The following NNT variants were observed in gnomAD, a reference collection of about 807,000 sequenced individuals.
The protein encoded by NNT is nicotinamide nucleotide transhydrogenase.
NNT carries 50 observed loss-of-function variants against 104.8 expected under a neutral mutation model. The observed-to-expected ratio is 0.48, with a 90% CI of 0.38 to 0.60. NNT has a LOEUF of 0.60. Ranked by LOEUF, NNT falls within the 20% of genes least tolerant of loss-of-function variation. The pLI is 0.00. For missense variants in NNT, 1,131 were observed against 1,330.7 expected (o/e 0.85, Z 2.33); for synonymous variants, 461 against 490.4 (o/e 0.94, Z 0.79).
intron 11 of NNT, 95 bp downstream of exon 11, chr5:43,649,403 A>G: frequency 6.9e-7 from 1 of 1,442,098 alleles, no homozygotes; most frequent in Non-Finnish European, 9.5e-7. Context: ...TGTGTTTTCA[A>G]GTTGTTTTGC....
Position 43,704,459 on chromosome 5 carries a change from G to C in NNT, c.*55G>C, listed in dbSNP as rs1056099615. On this transcript the variant is annotated 3_prime_UTR_variant, in exon 22 of 22. Transcript: ENST00000344920. ...TGCCACCTCTGCAGTTTTGGGAACAGGCAAATAAAGTATCAGTATACATGG... is the reference window on the plus strand; with the variant it reads ...TGCCACCTCTGCAGTTTTGGGAACACGCAAATAAAGTATCAGTATACATGG... 14 of 1,572,914 alleles carry C rather than the reference G, an allele frequency of 8.9e-6. No homozygotes were observed. In the African/African-American group the frequency reaches 1.6e-4, roughly 18 times the overall value.
intron 4 of NNT, among the ~76,000 whole-genome samples, chr5:43,617,101 A>G (rs1749830983): frequency 6.6e-6 from 1 of 152,206 alleles, no homozygotes; most frequent in African/African-American, 2.4e-5. Flanking sequence ...ACACTTTTAA[A>G]TTTATTTAGC....
At chr5:43,608,799 T>C (rs941014917) in intron 1 of NNT, among the ~76,000 whole-genome samples, 1 of 152,238 alleles carries the variant, frequency 6.6e-6, no homozygotes, top group African/African-American at 2.4e-5. Context: ...AACTTTCATG[T>C]AAGATACAAC....
chr5:43,682,359 C>T (rs768352167), intron 19 of NNT, among the ~76,000 whole-genome samples: 45 of 151,544 alleles, frequency 3.0e-4, no homozygotes, highest in Non-Finnish European at 5.3e-4. Flanking sequence ...TACAGGCATG[C>T]GCCACCACGC....
chr5:43,629,926 G>A (rs1163503605), intron 7 of NNT, among the ~76,000 whole-genome samples: 1 of 152,098 alleles, frequency 6.6e-6, no homozygotes, highest in African/African-American at 2.4e-5. Context: ...ATCCTGGGTT[G>A]TCTGTTTACT....
At chr5:43,686,629 T>G (rs1218390016) in intron 19 of NNT, among the ~76,000 whole-genome samples, 1 of 152,126 alleles carries the variant, frequency 6.6e-6, no homozygotes, top group Admixed American at 6.5e-5. Flanking sequence ...TGAAAATGTA[T>G]GCTTCTTTGT....
chr5:43,679,829 G>A (rs1052629042), intron 19 of NNT, among the ~76,000 whole-genome samples: 17 of 151,900 alleles, frequency 1.1e-4, no homozygotes, highest in African/African-American at 3.1e-4. Context: ...TTTCATGAGA[G>A]AGCTTTTCAT....
intron 19 of NNT, among the ~76,000 whole-genome samples, chr5:43,698,075 G>GAT (rs1021338983): frequency 2.0e-5 from 3 of 150,540 alleles, no homozygotes; most frequent in African/African-American, 4.9e-5. Flanking sequence ...TTTCTCTTTG[G>GAT]ATATATACAC....
At chr5:43,663,546 A>G (rs1740480984) in intron 17 of NNT, among the ~76,000 whole-genome samples, 1 of 152,182 alleles carries the variant, frequency 6.6e-6, no homozygotes. Flanking sequence ...TCGTTGATAA[A>G]CCTTCTTTAT....
intron 1 of NNT, among the ~76,000 whole-genome samples, chr5:43,605,549 A>AC (rs1185971353): frequency 2.0e-5 from 3 of 151,228 alleles, no homozygotes; most frequent in African/African-American, 7.3e-5. Flanking sequence ...AAAAAAAAAA[A>AC]AAGTTGTGCT....
chr5:43,689,023 T>C (rs1742126217), intron 19 of NNT, among the ~76,000 whole-genome samples: 1 of 152,208 alleles, frequency 6.6e-6, no homozygotes, highest in South Asian at 2.1e-4. Flanking sequence ...TGTGTAAAAA[T>C]GTTTCCTTTT....
chr5:43,669,922 T>C (rs1475407719), intron 17 of NNT, among the ~76,000 whole-genome samples: 1 of 152,110 alleles, frequency 6.6e-6, no homozygotes, highest in East Asian at 1.9e-4. Context: ...GGACTTTTTT[T>C]GGTTGGTAGG....
At chr5:43,655,793 C>T in intron 14 of NNT, 47 bp from the exon 15 acceptor site, 1 of 1,395,096 alleles carries the variant, frequency 7.2e-7, no homozygotes, top group Non-Finnish European at 1.0e-6. Flanking sequence ...GTGGTTACTT[C>T]TCAAAAGTTT....
intron 15 of NNT, 54 bp downstream of exon 15, chr5:43,656,127 G>T: frequency 6.9e-7 from 1 of 1,446,644 alleles, no homozygotes; most frequent in Non-Finnish European, 9.7e-7. Flanking sequence ...GGGCATTTAG[G>T]GATCCATTTT....
At chr5:43,679,310 C>A (rs1288239060) in intron 19 of NNT, among the ~76,000 whole-genome samples, 1 of 152,144 alleles carries the variant, frequency 6.6e-6, no homozygotes, top group Non-Finnish European at 1.5e-5. Context: ...CCCTCTTTCA[C>A]CACATAAATA....
intron 7 of NNT, among the ~76,000 whole-genome samples, chr5:43,643,991 C>T (rs1325159220): frequency 6.6e-6 from 1 of 152,220 alleles, no homozygotes; most frequent in Admixed American, 6.5e-5. Flanking sequence ...TCCTCCTGCA[C>T]ACTGCCTTTG....
intron 17 of NNT, among the ~76,000 whole-genome samples, chr5:43,670,969 G>C (rs1741039972): frequency 6.6e-6 from 1 of 152,162 alleles, no homozygotes; most frequent in Non-Finnish European, 1.5e-5. Flanking sequence ...GGGTGCCCCT[G>C]TATTGGGTGC....
chr5:43,603,296 T>G lies in NNT; in HGVS notation c.-54+2T>G, dbSNP rs1447045899. Reference sequence around the variant, plus strand: ...AAGGCTGTCAGCCTCCCGGCCCAGGTGAGCGCGACGGCACTGGCGGGTGCG... The same window carrying G: ...AAGGCTGTCAGCCTCCCGGCCCAGGGGAGCGCGACGGCACTGGCGGGTGCG... On this transcript the variant is annotated splice_donor_variant, in intron 1 of 21. Coordinates refer to ENST00000344920, the MANE Select transcript of NNT (RefSeq NM_182977.3). LOFTEE classifies it low-confidence loss of function (5UTR_SPLICE). 1 of 152,430 alleles carries G rather than the reference T, an allele frequency of 6.6e-6. No individual in the cohort carries two copies. Among genetic ancestry groups the G allele is most frequent in the Non-Finnish European group, 1.5e-5 (1 of 68,286 alleles). 9.4% of individuals were successfully genotyped at this position (152,430 alleles called of 1,614,324 possible). A position where few individuals can be genotyped will look rare whatever the true frequency, so the allele number is the denominator to read the frequency against.
chr5:43,629,132 T>G (rs1233706933), intron 7 of NNT, among the ~76,000 whole-genome samples: 1 of 152,112 alleles, frequency 6.6e-6, no homozygotes, highest in Non-Finnish European at 1.5e-5. Context: ...GTACACAATG[T>G]TTAGTCTTTT....
Sources: gnomAD v4.1 joint callset for allele counts (sites outside exome capture counted in the v4.1 genomes callset) on GRCh38, gnomAD v4.1.1 for gene constraint, MANE v1.5 for transcripts, NCBI Gene and HGNC (gene_info 2026-07-23, HGNC 2026-07-21) for gene names.